LRRC4C: variants seen among roughly 807,000 people sequenced by gnomAD.
LRRC4C encodes the protein leucine rich repeat containing 4C, also known as leucine-rich repeat-containing protein 4C.
In LRRC4C, 5 loss-of-function variants were observed where a neutral mutation model predicts 33.6. The ratio of observed to expected loss-of-function variants is 0.15; its 90% CI spans 0.08 to 0.31. The LOEUF (loss-of-function observed/expected upper bound fraction) is 0.31, where lower values mean the gene tolerates loss of function less well. LRRC4C is among the 10% of genes least tolerant of loss of function. The pLI, the probability that LRRC4C is intolerant of heterozygous loss-of-function variation, is 1.00. For synonymous variants in LRRC4C, 329 were observed against 302.0 expected (o/e 1.09, Z -0.93); for missense variants, 560 against 796.7 (o/e 0.70, Z 3.58).
At chr11:40,630,706 T>C (rs12285481) in intron 3 of LRRC4C, among the ~76,000 whole-genome samples, 5,400 of 152,204 alleles carry the variant, frequency 0.035, 285 homozygotes, top group African/African-American at 0.12. Context: ...ATCCTTTAAC[T>C]ATGAGTCTCA....
chr11:40,379,394 T>C (rs1948779235), intron 3 of LRRC4C, among the ~76,000 whole-genome samples: 1 of 152,194 alleles, frequency 6.6e-6, no homozygotes, highest in Non-Finnish European at 1.5e-5. Flanking sequence ...AAAATCCAAG[T>C]CTATTCCTAT....
chr11:41,163,287 T>TTTTTTTTTTTTTC (rs1376567334), intron 1 of LRRC4C, among the ~76,000 whole-genome samples: 1 of 109,156 alleles, frequency 9.2e-6, no homozygotes, highest in Non-Finnish European at 2.0e-5. Context: ...TGTAACTGTT[T>TTTTTTTTTTTTTC]TTTTTTTTTT....
intron 1 of LRRC4C, among the ~76,000 whole-genome samples, chr11:41,397,294 C>A (rs1953857071): frequency 6.6e-6 from 1 of 151,896 alleles, no homozygotes; most frequent in Non-Finnish European, 1.5e-5. Context: ...TTGCCCTTGC[C>A]ACCACTGAAA....
At chr11:41,097,596 T>C (rs902215066) in intron 1 of LRRC4C, among the ~76,000 whole-genome samples, 25 of 152,092 alleles carry the variant, frequency 1.6e-4, no homozygotes, top group African/African-American at 4.1e-4. Flanking sequence ...CCTAATGAAA[T>C]ATTTGAAATG....
At chr11:40,793,266 G>C (rs1453871502) in intron 2 of LRRC4C, among the ~76,000 whole-genome samples, 1 of 152,024 alleles carries the variant, frequency 6.6e-6, no homozygotes, top group African/African-American at 2.4e-5. Flanking sequence ...TTTAAAAATT[G>C]AGGGTCTCGA....
chr11:40,555,710 C>T (rs1436417104), intron 3 of LRRC4C, among the ~76,000 whole-genome samples: 2 of 152,038 alleles, frequency 1.3e-5, no homozygotes, highest in Non-Finnish European at 2.9e-5. Flanking sequence ...AAAAAAGGAC[C>T]GTGTATATTT....
intron 1 of LRRC4C, among the ~76,000 whole-genome samples, chr11:41,028,962 A>C (rs1474683383): frequency 1.3e-5 from 2 of 151,748 alleles, no homozygotes; most frequent in Non-Finnish European, 1.5e-5. Context: ...ACTCAGCATC[A>C]CACATTTATA....
Position 40,833,623 on chromosome 11 carries a change from A to G in LRRC4C, c.-407+100012T>C, listed in dbSNP as rs1330270120. ...CCATTAGCAAAATTATAAATTTTGT[A>G]TATGTCTTTCAGTTATTGAAAATGT... On this transcript the variant is annotated intron_variant, in intron 2 of 6. Coordinates refer to ENST00000528697, the MANE Select transcript of LRRC4C (RefSeq NM_001258419.2). Among the ~76,000 whole-genome samples the G allele has an allele frequency of 2.6e-5, 4 of 152,196 alleles. No individual in the cohort carries two copies. The East Asian group carries it at 5.8e-4, about 22-fold the overall frequency.
intron 3 of LRRC4C, among the ~76,000 whole-genome samples, chr11:40,575,982 A>G (rs546459743): frequency 1.3e-5 from 2 of 152,338 alleles, no homozygotes; most frequent in East Asian, 3.9e-4. Context: ...GCCAACACTA[A>G]AGACAAGTCA....
At chr11:41,294,708 C>T (rs550340759) in intron 1 of LRRC4C, among the ~76,000 whole-genome samples, 3 of 152,042 alleles carry the variant, frequency 2.0e-5, no homozygotes, top group Admixed American at 6.6e-5. Flanking sequence ...GAATGCAATA[C>T]GATCCATGGC....
At chr11:41,347,207 T>TGAGAGG (rs1951831040) in intron 1 of LRRC4C, among the ~76,000 whole-genome samples, 1 of 152,196 alleles carries the variant, frequency 6.6e-6, no homozygotes, top group Non-Finnish European at 1.5e-5. Flanking sequence ...ACGCTTGAGT[T>TGAGAGG]ATAGCACAGG....
rs1179619879 is a variant in LRRC4C, at chr11:40,308,996, T to G, written c.-176+10632A>C. 2.6e-5 allele frequency among the ~76,000 whole-genome samples: 4 copies of G among 152,202 alleles called. No homozygotes were observed. In the East Asian group the frequency reaches 7.7e-4, roughly 29 times the overall value. On this transcript the variant is annotated intron_variant, in intron 4 of 6. Transcript: ENST00000528697. The stretch of plus-strand genomic sequence containing the variant: ...AGGTATTCTCAAAGAAGTATGGAAC[T>G]TTCTTTACAGCTCACTTCCACTCCT...
At chr11:40,655,647 T>C (rs1019106041) in intron 2 of LRRC4C, among the ~76,000 whole-genome samples, 1 of 152,174 alleles carries the variant, frequency 6.6e-6, no homozygotes, top group African/African-American at 2.4e-5. Context: ...CAAATTCAGG[T>C]AGAAGATCCC....
chr11:40,913,058 A>G (rs942523651), intron 2 of LRRC4C, among the ~76,000 whole-genome samples: 1 of 152,188 alleles, frequency 6.6e-6, no homozygotes, highest in Non-Finnish European at 1.5e-5. Context: ...AAGTCCTTAG[A>G]GACCTACAAA....
intron 1 of LRRC4C, among the ~76,000 whole-genome samples, chr11:41,383,505 T>G (rs1052533098): frequency 6.6e-6 from 1 of 152,052 alleles, no homozygotes; most frequent in Non-Finnish European, 1.5e-5. Flanking sequence ...GAATATGACT[T>G]TCTTCATATT....
chr11:40,773,305 G>T (rs902260582), intron 2 of LRRC4C, among the ~76,000 whole-genome samples: 2 of 152,014 alleles, frequency 1.3e-5, no homozygotes, highest in African/African-American at 4.8e-5. Flanking sequence ...ATAATAAGGT[G>T]ATTACAGTAA....
chr11:40,602,201 A>G (rs1160489699), intron 3 of LRRC4C, among the ~76,000 whole-genome samples: 3 of 121,520 alleles, frequency 2.5e-5, no homozygotes, highest in East Asian at 2.1e-4. Context: ...CTCAAAAAAA[A>G]AAAAAAAAAG....
intron 1 of LRRC4C, among the ~76,000 whole-genome samples, chr11:41,404,149 C>A (rs1386206422): frequency 6.6e-6 from 1 of 151,948 alleles, no homozygotes; most frequent in Non-Finnish European, 1.5e-5. Flanking sequence ...AAGAAATGCA[C>A]CCATGTCATT....
At chr11:40,800,794 T>G (rs1172545088) in intron 2 of LRRC4C, among the ~76,000 whole-genome samples, 2 of 152,158 alleles carry the variant, frequency 1.3e-5, no homozygotes, top group Non-Finnish European at 1.5e-5. Flanking sequence ...AAAAGCTTTT[T>G]CAGATACTTT....
Sources: allele counts gnomAD v4.1 joint callset (sites outside exome capture counted in the v4.1 genomes callset), GRCh38; gene constraint gnomAD v4.1.1; transcripts MANE v1.5; gene names NCBI Gene and HGNC (gene_info 2026-07-23, HGNC 2026-07-21).